The following LZIC variants were observed in gnomAD, a reference collection of about 807,000 sequenced individuals.
LZIC encodes the protein protein LZIC.
In LZIC, 28 loss-of-function variants were observed where a neutral mutation model predicts 25.4. The observed-to-expected ratio is 1.10, with a 90% CI of 0.82 to 1.51. LZIC has a LOEUF of 1.51. Ranked by LOEUF, LZIC falls within the 40% of genes most tolerant of loss-of-function variation. The probability of loss-of-function intolerance (pLI) is 0.00; values close to 1 mark genes in which losing one functional copy is unlikely to be tolerated. For synonymous variants in LZIC, 65 were observed against 70.7 expected (o/e 0.92, Z 0.40); for missense variants, 170 against 211.1 (o/e 0.81, Z 1.21).
Position 9,930,170 on chromosome 1 carries a change from G to A in LZIC, c.*229C>T, listed in dbSNP as rs904299333. The A allele has an allele frequency of 7.6e-7, 1 of 1,308,342 alleles. No individual in the cohort carries two copies. The highest frequency in any genetic ancestry group is 1.5e-5 in the African/African-American group (1 of 67,906). The allele number at this position is 1,308,342 out of a possible 1,614,324, so 81.0% of individuals were successfully genotyped here. On this transcript the variant is annotated 3_prime_UTR_variant, in exon 8 of 8. Coordinates refer to ENST00000377223, the MANE Select transcript of LZIC (RefSeq NM_032368.5). ...CAAATCATAACGAACAGAGTCCAGT[G>A]AGTCCCTCTGTCGCAACAAGTTCAG...
chr1:9,943,205 G>A (rs1039639802), intron 1 of LZIC, 44 bp downstream of exon 1: 73 of 170,594 alleles, frequency 4.3e-4, no homozygotes, highest in East Asian at 1.5e-4. Context: ...TGCCACCAGA[G>A]GTAGCCGTAA....
rs1325547520 is a variant in LZIC, at chr1:9,929,281, A to C, written c.*1118T>G. On this transcript the variant is annotated 3_prime_UTR_variant, in exon 8 of 8. Coordinates refer to ENST00000377223, the MANE Select transcript of LZIC (RefSeq NM_032368.5). ...CACCTAGTAGTTTACAGTACAGAAGAAGCTTTAAAAATGCTTTTAATTTGT... is the reference window on the plus strand; with the variant it reads ...CACCTAGTAGTTTACAGTACAGAAGCAGCTTTAAAAATGCTTTTAATTTGT... 6 of 981,066 alleles carry C rather than the reference A, an allele frequency of 6.1e-6. No homozygotes were observed. The highest frequency in any genetic ancestry group is 1.1e-4 in the East Asian group (1 of 8,812). 60.8% of individuals were successfully genotyped at this position (981,066 alleles called of 1,614,324 possible).
intron 5 of LZIC, 59 bp downstream of exon 5, chr1:9,934,692 GGATATCATAAT>G: frequency 7.5e-7 from 1 of 1,333,954 alleles, no homozygotes; most frequent in Admixed American, 1.8e-5. Context: ...TTAAGCCATA[GGATATCATAAT>G]GAATTGGCCT....
chr1:9,927,604 G>A lies in LZIC; in HGVS notation c.*2795C>T, dbSNP rs930392715. Among the ~76,000 whole-genome samples, 4 of 151,346 alleles carry A rather than the reference G, an allele frequency of 2.6e-5. No individual in the cohort carries two copies. Among genetic ancestry groups the A allele is most frequent in the Admixed American group, 2.0e-4 (3 of 15,146 alleles). ...GCGTGAGCCACTGTGCCAGGCATTA[G>A]GTCCCTTTCAAATTCAAGATATTCC... On this transcript the variant is annotated 3_prime_UTR_variant, in exon 8 of 8. Transcript: ENST00000377223.
rs948452365 is a variant in LZIC at position 9,928,405 on chromosome 1, C to T, written c.*1994G>A. On this transcript the variant is annotated 3_prime_UTR_variant, in exon 8 of 8. Transcript: ENST00000377223. ...AAAAAATTGAAAACAGGTATTCAAA[C>T]AAATATTTGTACACAAATGTTCACT... 3.9e-5 allele frequency among the ~76,000 whole-genome samples: 6 copies of T among 152,076 alleles called. No individual in the cohort carries two copies. In the South Asian group the frequency reaches 6.2e-4, roughly 16 times the overall value.
intron 2 of LZIC, among the ~76,000 whole-genome samples, chr1:9,939,542 C>CTTTTTTTTTTTTTTTTT (rs34837155): frequency 1.8e-4 from 15 of 81,976 alleles, no homozygotes; most frequent in Admixed American, 6.1e-4. Context: ...CCACATCTGC[C>CTTTTTTTTTTTTTTTTT]TTTTTTTTTT....
intron 2 of LZIC, among the ~76,000 whole-genome samples, chr1:9,939,145 T>A (rs1640582594): frequency 6.6e-6 from 1 of 152,164 alleles, no homozygotes; most frequent in Admixed American, 6.5e-5. Flanking sequence ...TGGCACGATT[T>A]CGGCTCACTG....
At position 9,943,302 on chromosome 1, in the gene LZIC, C is replaced by G. The variant is rs1037854696; in HGVS notation, c.-221G>C. On this transcript the variant is annotated 5_prime_UTR_variant, in exon 1 of 8. Coordinates refer to ENST00000377223, the MANE Select transcript of LZIC (RefSeq NM_032368.5). ...GCCCCCGGGATTCCCCCTGTGCCGCCTGACCGCCCGCCAGTCCCAGAGTTT... is the reference window on the plus strand; with the variant it reads ...GCCCCCGGGATTCCCCCTGTGCCGCGTGACCGCCCGCCAGTCCCAGAGTTT... 6.5e-6 allele frequency: 1 copy of G among 154,196 alleles called. No homozygotes were observed. The highest frequency in any genetic ancestry group is 2.4e-5 in the African/African-American group (1 of 41,490). 9.6% of individuals were successfully genotyped at this position (154,196 alleles called of 1,614,324 possible). A position where few individuals can be genotyped will look rare whatever the true frequency, so the allele number is the denominator to read the frequency against.
chr1:9,924,856 GC>G (rs1274443145), downstream of LZIC, among the ~76,000 whole-genome samples: 1 of 152,108 alleles, frequency 6.6e-6, no homozygotes, highest in East Asian at 1.9e-4. Context: ...TACCTGACCT[GC>G]TACGATGTTT....
At position 9,930,473 on chromosome 1, in the gene LZIC, C is replaced by T. The variant is rs1255969857; in HGVS notation, c.515-16G>A. ...TCTCCAGAGCCTAAGAAAAAAGACA[C>T]ATAATAAACAAAAAGATTATTTCAA... On this transcript the variant is annotated splice_polypyrimidine_tract_variant and intron_variant, in intron 7 of 7. Coordinates refer to ENST00000377223, the MANE Select transcript of LZIC (RefSeq NM_032368.5). The T allele has an allele frequency of 6.2e-7, 1 of 1,611,862 alleles. No homozygotes were observed. The highest frequency in any genetic ancestry group is 8.5e-7 in the Non-Finnish European group (1 of 1,179,276).
downstream of LZIC, among the ~76,000 whole-genome samples, chr1:9,923,222 T>C (rs1639903058): frequency 6.6e-6 from 1 of 152,194 alleles, no homozygotes; most frequent in Non-Finnish European, 1.5e-5. Flanking sequence ...GCCTCCATTT[T>C]ATTTATTTTA....
Position 9,930,179 on chromosome 1 carries a change from T to C in LZIC, c.*220A>G, listed in dbSNP as rs1379843168. ...ACGAACAGAGTCCAGTGAGTCCCTC[T>C]GTCGCAACAAGTTCAGGATCACTCA... On this transcript the variant is annotated 3_prime_UTR_variant, in exon 8 of 8. Coordinates refer to ENST00000377223, the MANE Select transcript of LZIC (RefSeq NM_032368.5). 13 of 1,330,090 alleles carry C rather than the reference T, an allele frequency of 9.8e-6. No homozygotes were observed. Among genetic ancestry groups the C allele is most frequent in the Admixed American group, 3.1e-5 (1 of 31,838 alleles). 82.4% of individuals were successfully genotyped at this position (1,330,090 alleles called of 1,614,324 possible).
chr1:9,922,379 A>G, downstream of LZIC: 1 of 931,926 alleles, frequency 1.1e-6, no homozygotes, highest in Non-Finnish European at 1.3e-6. Flanking sequence ...AAAGTGAACT[A>G]TTTTTAGCTG....
At chr1:9,932,961 A>G in intron 5 of LZIC, 63 bp from the exon 6 acceptor site, 2 of 1,156,122 alleles carry the variant, frequency 1.7e-6, no homozygotes, top group Non-Finnish European at 2.6e-6. Context: ...TACAAAATAT[A>G]GCTTTTCAGG....
rs1640114733 is a variant in LZIC, at chr1:9,929,261, A to G, written c.*1138T>C. 2.1e-6 allele frequency: 2 copies of G among 966,414 alleles called. No individual in the cohort carries two copies. Among genetic ancestry groups the G allele is most frequent in the South Asian group, 4.8e-5 (1 of 20,864 alleles). The allele number at this position is 966,414 out of a possible 1,614,324, so 59.9% of individuals were successfully genotyped here. A position where few individuals can be genotyped will look rare whatever the true frequency, so the allele number is the denominator to read the frequency against. ...AATCTGTCTGGTTGGCAAAGCACCT[A>G]GTAGTTTACAGTACAGAAGAAGCTT... On this transcript the variant is annotated 3_prime_UTR_variant, in exon 8 of 8. Transcript: ENST00000377223.
chr1:9,942,602 G>A (rs1230614007), intron 2 of LZIC, 22 bp downstream of exon 2: 1 of 1,179,368 alleles, frequency 8.5e-7, no homozygotes, highest in Non-Finnish European at 1.1e-6. Context: ...ATCTGGAGCG[G>A]AGGGTCCTCA....
chr1:9,933,816 A>T (rs568447513), intron 5 of LZIC, among the ~76,000 whole-genome samples: 3 of 152,126 alleles, frequency 2.0e-5, no homozygotes, highest in East Asian at 3.9e-4. Context: ...CTGAGATGGG[A>T]GACGCTTGAG....
At chr1:9,926,035 A>G (rs907818317), downstream of LZIC, among the ~76,000 whole-genome samples, 2 of 151,478 alleles carry the variant, frequency 1.3e-5, no homozygotes, top group Admixed American at 1.3e-4. Context: ...CTGGGACTAC[A>G]GGCGCCCGCC....
At chr1:9,933,884 A>ACAAAGTAAGACCCTGCCT (rs1553121937) in intron 5 of LZIC, among the ~76,000 whole-genome samples, 6 of 150,804 alleles carry the variant, frequency 4.0e-5, no homozygotes, top group Non-Finnish European at 8.8e-5. Context: ...AGCCTGGGTG[A>ACAAAGTAAGACCCTGCCT]CAAAGTAAGA....
Sources: allele counts gnomAD v4.1 joint callset (sites outside exome capture counted in the v4.1 genomes callset), GRCh38; gene constraint gnomAD v4.1.1; transcripts MANE v1.5; gene names NCBI Gene and HGNC (gene_info 2026-07-23, HGNC 2026-07-21).